The following DACH2 variants were observed in gnomAD, a reference collection of about 807,000 sequenced individuals.
DACH2 encodes the protein dachshund homolog 2.
Under a neutral mutation model 35.8 loss-of-function variants are expected in DACH2, and 17 were observed. That is an observed-to-expected ratio of 0.48 (90% CI 0.33 to 0.71). The LOEUF (loss-of-function observed/expected upper bound fraction) is 0.71, where lower values mean the gene tolerates loss of function less well. DACH2 is among the 30% of genes least tolerant of loss of function. The probability of loss-of-function intolerance (pLI) is 0.02; values close to 1 mark genes in which losing one functional copy is unlikely to be tolerated. For missense variants in DACH2, 469 were observed against 472.7 expected (o/e 0.99, Z 0.07); for synonymous variants, 195 against 177.3 (o/e 1.10, Z -0.79).
rs375142733 is a variant in DACH2 at position 86,329,504 on chromosome X, T to C, written c.489-47320T>C. 2.1e-4 allele frequency among the ~76,000 whole-genome samples: 23 copies of C among 111,519 alleles called. No individual in the cohort carries two copies. In the East Asian group the frequency reaches 6.0e-3, roughly 29 times the overall value. ...CAGCAGAGAAATTTGATTAAATGGA[T>C]GCCTGGGGTCATGACCCTGTCTAAA... On this transcript the variant is annotated intron_variant, in intron 1 of 11. Transcript: ENST00000373125.
At chrX:86,722,210 T>A (rs1239838063) in intron 6 of DACH2, among the ~76,000 whole-genome samples, 2 of 112,231 alleles carry the variant, frequency 1.8e-5, no homozygotes, top group Non-Finnish European at 3.8e-5. Flanking sequence ...ATTTTCCTTT[T>A]ACAGAACCTT....
In DACH2 at chrX:86,222,633, T is replaced by A. The variant is rs367914288; in HGVS notation, c.488+73525T>A. On this transcript the variant is annotated intron_variant, in intron 1 of 11. Coordinates refer to ENST00000373125, the MANE Select transcript of DACH2 (RefSeq NM_053281.3). The stretch of plus-strand genomic sequence containing the variant: ...CTAGAACTAGTACTGGGAGAGTGTA[T>A]CTGGCAGTAAAATGGTGGTTGGGGA... Among the ~76,000 whole-genome samples the A allele has an allele frequency of 2.5e-4, 28 of 111,076 alleles. No homozygotes were observed. The East Asian group carries it at 4.8e-3, about 19-fold the overall frequency.
At chrX:86,440,499 C>A (rs180824129) in intron 2 of DACH2, among the ~76,000 whole-genome samples, 2 of 111,487 alleles carry the variant, frequency 1.8e-5, no homozygotes, top group Admixed American at 1.9e-4. Flanking sequence ...AATTTGCATA[C>A]ATATTTATAT....
At chrX:86,696,776 G>C (rs1268504192) in intron 5 of DACH2, among the ~76,000 whole-genome samples, 1 of 110,905 alleles carries the variant, frequency 9.0e-6, no homozygotes, top group Non-Finnish European at 1.9e-5. Context: ...TGTCTTATGG[G>C]GCCCCTACAC....
At chrX:86,616,022 T>C (rs933009436) in intron 3 of DACH2, among the ~76,000 whole-genome samples, 1 of 111,268 alleles carries the variant, frequency 9.0e-6, no homozygotes, top group African/African-American at 3.3e-5. Flanking sequence ...TGAGAATATA[T>C]GGTATTCGTT....
At chrX:86,165,995 G>A (rs1198872749) in intron 1 of DACH2, among the ~76,000 whole-genome samples, 1 of 111,567 alleles carries the variant, frequency 9.0e-6, no homozygotes, top group Non-Finnish European at 1.9e-5. Context: ...AATCCATTTT[G>A]ATTTGATTTT....
At chrX:86,674,332 T>C (rs1336627377) in intron 4 of DACH2, among the ~76,000 whole-genome samples, 1 of 112,646 alleles carries the variant, frequency 8.9e-6, no homozygotes, top group African/African-American at 3.2e-5. Flanking sequence ...AAGTCACAAT[T>C]CATTGGACTT....
At chrX:86,225,337 T>C (rs893085550) in intron 1 of DACH2, among the ~76,000 whole-genome samples, 1 of 111,628 alleles carries the variant, frequency 9.0e-6, no homozygotes, top group African/African-American at 3.2e-5. Context: ...TTTATATTTT[T>C]TAAATTCTTG....
rs185800447 is a variant in DACH2, at chrX:86,785,072, C to G, written c.1241-27784C>G. Among the ~76,000 whole-genome samples the G allele has an allele frequency of 3.6e-5, 4 of 110,559 alleles. No individual in the cohort carries two copies. The East Asian group carries it at 1.1e-3, about 32-fold the overall frequency. Reference sequence around the variant, plus strand: ...GTGAAATCATCTGCACTCCAAACCCCCATGACATGCAATTTACCTGTATAC... The same window carrying G: ...GTGAAATCATCTGCACTCCAAACCCGCATGACATGCAATTTACCTGTATAC... On this transcript the variant is annotated intron_variant, in intron 7 of 11. Coordinates refer to ENST00000373125, the MANE Select transcript of DACH2 (RefSeq NM_053281.3).
chrX:86,635,930 A>T (rs1405186729), intron 3 of DACH2, among the ~76,000 whole-genome samples: 1 of 111,716 alleles, frequency 9.0e-6, no homozygotes. Context: ...AGAAATAAAT[A>T]ATATTTTTAA....
intron 11 of DACH2, among the ~76,000 whole-genome samples, chrX:86,827,313 T>C (rs1433946153): frequency 8.9e-6 from 1 of 111,879 alleles, no homozygotes; most frequent in Non-Finnish European, 1.9e-5. Context: ...ACTAATGTTT[T>C]AGACTGTGGA....
At chrX:86,396,937 G>T (rs1781971395) in intron 2 of DACH2, among the ~76,000 whole-genome samples, 1 of 111,141 alleles carries the variant, frequency 9.0e-6, no homozygotes, top group Non-Finnish European at 1.9e-5. Context: ...AAAGTCATTG[G>T]TAGCTTGATG....
chrX:86,466,549 C>G (rs182123662), intron 2 of DACH2, among the ~76,000 whole-genome samples: 139 of 111,628 alleles, frequency 1.2e-3, no homozygotes, highest in Non-Finnish European at 2.2e-3. Flanking sequence ...TCAGCATTAA[C>G]CTAGAAGTCC....
intron 6 of DACH2, among the ~76,000 whole-genome samples, chrX:86,722,165 T>G (rs1355822570): frequency 1.8e-5 from 2 of 111,950 alleles, no homozygotes; most frequent in Non-Finnish European, 3.8e-5. Flanking sequence ...ATACTGGTTG[T>G]GGGTTTGTCA....
chrX:86,453,919 T>A (rs1430305793), intron 2 of DACH2, among the ~76,000 whole-genome samples: 1 of 111,719 alleles, frequency 9.0e-6, no homozygotes, highest in Non-Finnish European at 1.9e-5. Flanking sequence ...CTGGTAATGG[T>A]TTTTCTTTCC....
intron 7 of DACH2, among the ~76,000 whole-genome samples, chrX:86,793,702 T>G (rs2042209547): frequency 8.9e-6 from 1 of 112,574 alleles, no homozygotes; most frequent in African/African-American, 3.2e-5. Flanking sequence ...GGCTTATTTT[T>G]CTACTCTGGC....
chrX:86,404,815 A>G (rs2036497122), intron 2 of DACH2, among the ~76,000 whole-genome samples: 1 of 112,258 alleles, frequency 8.9e-6, no homozygotes, highest in Middle Eastern at 4.7e-3. Context: ...TGAGGGTTCC[A>G]TCCCTGCGTA....
At chrX:86,254,821 G>T (rs1483245580) in intron 1 of DACH2, among the ~76,000 whole-genome samples, 14 of 86,016 alleles carry the variant, frequency 1.6e-4, no homozygotes, top group African/African-American at 2.7e-4. Flanking sequence ...GAGAGAGAGA[G>T]AGAGAGAGAG....
chrX:86,267,116 A>G (rs1307336155), intron 1 of DACH2, among the ~76,000 whole-genome samples: 1 of 112,232 alleles, frequency 8.9e-6, no homozygotes, highest in Non-Finnish European at 1.9e-5. Context: ...AATAGTTGAA[A>G]TGAATATGTC....
Sources: gnomAD v4.1 joint callset for allele counts (sites outside exome capture counted in the v4.1 genomes callset) on GRCh38, gnomAD v4.1.1 for gene constraint, MANE v1.5 for transcripts, NCBI Gene and HGNC (gene_info 2026-07-23, HGNC 2026-07-21) for gene names.